CSMD1: variants seen among roughly 807,000 people sequenced by gnomAD.
CSMD1 encodes the protein CUB and Sushi multiple domains 1, also known as CUB and sushi domain-containing protein 1.
Under a neutral mutation model 417.5 loss-of-function variants are expected in CSMD1, and 213 were observed. The observed-to-expected ratio is 0.51, with a 90% CI of 0.46 to 0.57. The LOEUF is 0.57. Ranked by LOEUF, CSMD1 falls within the 20% of genes least tolerant of loss-of-function variation. The pLI is 0.00. For missense variants in CSMD1, 6,923 were observed against 4,529.7 expected (o/e 1.53, Z -15.17); for synonymous variants, 2,862 against 1,736.8 (o/e 1.65, Z -16.11).
At chr8:3,101,134 C>A (rs149659164) in intron 46 of CSMD1, among the ~76,000 whole-genome samples, 1 of 150,304 alleles carries the variant, frequency 6.7e-6, no homozygotes, top group Non-Finnish European at 1.5e-5. Context: ...GATGAAGAAA[C>A]CTGACGTTGA....
intron 23 of CSMD1, 84 bp from the exon 24 acceptor site, chr8:3,308,587 A>T: frequency 1.8e-6 from 2 of 1,123,720 alleles, no homozygotes; most frequent in Non-Finnish European, 2.6e-6. Context: ...CAAGGTTGCT[A>T]AATGCTCCTT....
intron 10 of CSMD1, among the ~76,000 whole-genome samples, chr8:3,551,265 T>C (rs551753856): frequency 1.3e-5 from 2 of 152,200 alleles, no homozygotes; most frequent in Non-Finnish European, 2.9e-5. Flanking sequence ...TAATATCTTG[T>C]GGCATATTTT....
intron 3 of CSMD1, among the ~76,000 whole-genome samples, chr8:4,384,620 ATTTTT>A (rs35436664): frequency 4.6e-5 from 7 of 151,784 alleles, no homozygotes; most frequent in Admixed American, 6.6e-5. Context: ...AAAATAGAAG[ATTTTT>A]TTTTGTTATT....
At chr8:4,734,015 T>G (rs1810065671) in intron 1 of CSMD1, among the ~76,000 whole-genome samples, 1 of 152,226 alleles carries the variant, frequency 6.6e-6, no homozygotes, top group South Asian at 2.1e-4. Context: ...AAAGAAGTCC[T>G]TCTTACAAAA....
chr8:3,682,933 ATC>A (rs1799742560), intron 7 of CSMD1, among the ~76,000 whole-genome samples: 1 of 152,110 alleles, frequency 6.6e-6, no homozygotes, highest in African/African-American at 2.4e-5. Flanking sequence ...TCAGCAAACT[ATC>A]TATCGCAAGG....
At chr8:4,190,763 T>C (rs1798978037) in intron 3 of CSMD1, among the ~76,000 whole-genome samples, 3 of 152,154 alleles carry the variant, frequency 2.0e-5, no homozygotes, top group Admixed American at 2.0e-4. Flanking sequence ...AACAGTACTA[T>C]GCGGCCATTA....
intron 3 of CSMD1, among the ~76,000 whole-genome samples, chr8:4,403,979 C>A (rs1202074297): frequency 1.3e-5 from 2 of 152,184 alleles, no homozygotes; most frequent in South Asian, 2.1e-4. Flanking sequence ...CTAAAACTCT[C>A]CTTTCTCAGG....
At chr8:4,632,071 T>G (rs1025649132) in intron 2 of CSMD1, among the ~76,000 whole-genome samples, 2 of 152,194 alleles carry the variant, frequency 1.3e-5, no homozygotes, top group African/African-American at 4.8e-5. Context: ...AAACTTCAAA[T>G]TTAGAAAACA....
At chr8:3,489,427 C>G (rs1233324818) in intron 11 of CSMD1, among the ~76,000 whole-genome samples, 1 of 152,164 alleles carries the variant, frequency 6.6e-6, no homozygotes, top group Non-Finnish European at 1.5e-5. Context: ...ATGAAATCCC[C>G]TGGTTACCAA....
chr8:3,340,720 T>C (rs1378098802), intron 23 of CSMD1, among the ~76,000 whole-genome samples: 8 of 152,170 alleles, frequency 5.3e-5, no homozygotes, highest in Non-Finnish European at 7.3e-5. Context: ...AACTAACAAT[T>C]TAATGTGAGG....
intron 2 of CSMD1, among the ~76,000 whole-genome samples, chr8:4,541,472 G>A (rs1019409867): frequency 3.3e-5 from 5 of 152,172 alleles, no homozygotes; most frequent in African/African-American, 1.2e-4. Flanking sequence ...AAATCGGTAG[G>A]CGTCGTGGCT....
chr8:4,638,372 G>C, intron 1 of CSMD1, among the ~76,000 whole-genome samples: 1 of 152,198 alleles, frequency 6.6e-6, no homozygotes, highest in East Asian at 1.9e-4. Context: ...ATCGGTGCCT[G>C]TGCTGGCAAA....
chr8:3,833,912 A>G (rs910167137), intron 5 of CSMD1, among the ~76,000 whole-genome samples: 2 of 152,146 alleles, frequency 1.3e-5, no homozygotes, highest in African/African-American at 4.8e-5. Context: ...ATTTTGTGAA[A>G]TATCAAATTT....
chr8:3,242,262 G>C (rs1421041548), intron 26 of CSMD1, among the ~76,000 whole-genome samples: 2 of 151,586 alleles, frequency 1.3e-5, no homozygotes, highest in African/African-American at 2.4e-5. Flanking sequence ...CGGAGGCTGA[G>C]GAAGATTTGG....
chr8:4,513,196 G>A (rs939294760), intron 2 of CSMD1, among the ~76,000 whole-genome samples: 52 of 152,234 alleles, frequency 3.4e-4, no homozygotes, highest in Non-Finnish European at 6.9e-4. Flanking sequence ...TGTAATAAAT[G>A]TACCATTCTT....
intron 5 of CSMD1, among the ~76,000 whole-genome samples, chr8:3,765,313 C>T (rs1183021487): frequency 6.6e-6 from 1 of 152,138 alleles, no homozygotes; most frequent in Non-Finnish European, 1.5e-5. Context: ...GTAAATCCTT[C>T]CCAAATTTCC....
chr8:3,685,539 G>A (rs1799902868), intron 7 of CSMD1, among the ~76,000 whole-genome samples: 1 of 152,080 alleles, frequency 6.6e-6, no homozygotes, highest in African/African-American at 2.4e-5. Flanking sequence ...TTATATAACA[G>A]GAAGAAAAAT....
intron 3 of CSMD1, among the ~76,000 whole-genome samples, chr8:4,394,464 T>C (rs1017831512): frequency 6.6e-6 from 1 of 152,178 alleles, no homozygotes; most frequent in Admixed American, 6.5e-5. Context: ...TGAAGAAAAC[T>C]GCTCAGGTTC....
chr8:4,423,603 C>T (rs925343225), intron 2 of CSMD1, among the ~76,000 whole-genome samples: 4 of 151,920 alleles, frequency 2.6e-5, no homozygotes, highest in African/African-American at 9.7e-5. Flanking sequence ...AGATGGAAGA[C>T]TCAATAATGT....
Sources: gnomAD v4.1 joint callset for allele counts (sites outside exome capture counted in the v4.1 genomes callset) on GRCh38, gnomAD v4.1.1 for gene constraint, MANE v1.5 for transcripts, NCBI Gene and HGNC (gene_info 2026-07-23, HGNC 2026-07-21) for gene names.